The following ANO6 variants were observed in gnomAD, a reference collection of about 807,000 sequenced individuals.
ANO6 encodes the protein anoctamin 6, also known as anoctamin-6.
In ANO6, 106 loss-of-function variants were observed where a neutral mutation model predicts 117.5. The observed-to-expected ratio is 0.90, with a 90% CI of 0.77 to 1.06. ANO6 has a LOEUF of 1.06. ANO6 is among the 50% of genes least tolerant of loss of function. The pLI is 0.00. For synonymous variants in ANO6, 367 were observed against 385.1 expected (o/e 0.95, Z 0.55); for missense variants, 955 against 1,121.1 (o/e 0.85, Z 2.12).
At chr12:45,354,552 T>A (rs1016639968) in intron 7 of ANO6, among the ~76,000 whole-genome samples, 3 of 151,542 alleles carry the variant, frequency 2.0e-5, no homozygotes, top group African/African-American at 7.3e-5. Context: ...GCTTGGAGAG[T>A]CATCAGTCAA....
intron 9 of ANO6, among the ~76,000 whole-genome samples, chr12:45,377,665 G>T (rs778119407): frequency 3.3e-5 from 5 of 152,184 alleles, no homozygotes; most frequent in Non-Finnish European, 5.9e-5. Context: ...ATATCTAAAA[G>T]TTGCTTAGGG....
intron 13 of ANO6, 71 bp from the exon 14 acceptor site, chr12:45,403,001 C>T (rs539856880): frequency 3.7e-6 from 5 of 1,360,908 alleles, no homozygotes; most frequent in Non-Finnish European, 5.2e-6. Context: ...ACTCATGTAT[C>T]AGTATTTTTT....
intron 12 of ANO6, among the ~76,000 whole-genome samples, chr12:45,397,562 A>G (rs1942655137): frequency 6.6e-6 from 1 of 152,230 alleles, no homozygotes. Context: ...ACTATTCACA[A>G]TAGCAAAGAC....
intron 3 of ANO6, among the ~76,000 whole-genome samples, chr12:45,346,593 T>C (rs1378519981): frequency 6.6e-6 from 1 of 152,206 alleles, no homozygotes; most frequent in Non-Finnish European, 1.5e-5. Flanking sequence ...ACCATTTGAA[T>C]GTCTGGTATG....
chr12:45,247,098 G>A (rs948112049), intron 1 of ANO6, among the ~76,000 whole-genome samples: 1 of 152,066 alleles, frequency 6.6e-6, no homozygotes, highest in Non-Finnish European at 1.5e-5. Flanking sequence ...GCTAATTTTT[G>A]TGTTTTTAGT....
intron 9 of ANO6, 49 bp from the exon 10 acceptor site, chr12:45,378,004 C>A (rs767278891): frequency 6.6e-7 from 1 of 1,520,850 alleles, no homozygotes; most frequent in African/African-American, 1.4e-5. Context: ...TTACTGAATC[C>A]TAATAAGTGG....
Position 45,368,202 on chromosome 12 carries a change from G to A in ANO6, c.1104+409G>A, listed in dbSNP as rs566970946. 1.2e-4 allele frequency among the ~76,000 whole-genome samples: 18 copies of A among 152,266 alleles called. No individual in the cohort carries two copies. The Middle Eastern group carries it at 0.017, about 144-fold the overall frequency. ...TGGAATATTTGCCTTAGACTTACGG[G>A]TTGAGCGTCCCTAATCCAAAACTCC... On this transcript the variant is annotated intron_variant, in intron 9 of 19. Coordinates refer to ENST00000320560, the MANE Select transcript of ANO6 (RefSeq NM_001025356.3).
At chr12:45,440,119 G>A (rs879115801) in exon 20 of ANO6, 2 of 509,598 alleles carry the variant, frequency 3.9e-6, no homozygotes, top group African/African-American at 4.0e-5. Flanking sequence ...TATATGTATA[G>A]TTTTTTGTTG....
At chr12:45,346,036 T>G (rs1176855047) in intron 3 of ANO6, among the ~76,000 whole-genome samples, 1 of 151,978 alleles carries the variant, frequency 6.6e-6, no homozygotes, top group Non-Finnish European at 1.5e-5. Flanking sequence ...AGGAGCTCAT[T>G]CCATGCTAAT....
At chr12:45,267,943 T>C (rs933548616) in intron 1 of ANO6, among the ~76,000 whole-genome samples, 1 of 152,032 alleles carries the variant, frequency 6.6e-6, no homozygotes, top group Non-Finnish European at 1.5e-5. Flanking sequence ...TATTGAAGGG[T>C]ATAAAAGAAA....
rs116074090 is a variant in ANO6 at position 45,420,610 on chromosome 12, C to G, written c.2218-461C>G. Among the ~76,000 whole-genome samples, 771 of 152,160 alleles carry G rather than the reference C, an allele frequency of 5.1e-3. 2 individuals are homozygous for G. The highest frequency in any genetic ancestry group is 0.017 in the African/African-American group (707 of 41,502). On this transcript the variant is annotated intron_variant, in intron 17 of 19. Transcript: ENST00000320560. ...ACAGAGCAAGATCTTATCTCACTAT[C>G]TGCATATATTTTGCAGTTAAGAAAA...
chr12:45,431,306 C>T lies in ANO6; in HGVS notation c.*1995C>T, dbSNP rs769168984. 41 of 985,244 alleles carry T rather than the reference C, an allele frequency of 4.2e-5. No individual in the cohort carries two copies. The highest frequency in any genetic ancestry group is 6.1e-5 in the Admixed American group (1 of 16,266). The allele number at this position is 985,244 out of a possible 1,614,324, so 61.0% of individuals were successfully genotyped here. The stretch of plus-strand genomic sequence containing the variant: ...ACTCCTGAGATACTGCTTCTGGAAG[C>T]GGGTGTCACTTCCTCTCTAGTACCT... On this transcript the variant is annotated 3_prime_UTR_variant, in exon 20 of 20. Transcript: ENST00000320560.
intron 2 of ANO6, among the ~76,000 whole-genome samples, chr12:45,317,103 C>A (rs1486763531): frequency 5.2e-5 from 1 of 19,398 alleles, no homozygotes; most frequent in Non-Finnish European, 2.6e-4. Flanking sequence ...CAGCTGGATT[C>A]TTTTTATATG....
chr12:45,384,841 G>A (rs7304706), intron 10 of ANO6, among the ~76,000 whole-genome samples: 2,747 of 152,302 alleles, frequency 0.018, 79 homozygotes, highest in African/African-American at 0.062. Context: ...GAGGCTCAAC[G>A]TGGGGTTGCC....
At chr12:45,296,544 T>C (rs1939300392) in intron 1 of ANO6, among the ~76,000 whole-genome samples, 1 of 152,218 alleles carries the variant, frequency 6.6e-6, no homozygotes, top group East Asian at 1.9e-4. Context: ...TTTTCCAAAT[T>C]GTATTAGTCT....
At chr12:45,322,315 G>C (rs1413399124) in intron 2 of ANO6, among the ~76,000 whole-genome samples, 1 of 70,474 alleles carries the variant, frequency 1.4e-5, no homozygotes, top group Non-Finnish European at 3.3e-5. Context: ...GAGAGCAGGA[G>C]AGGATTTCAG....
In ANO6 at chr12:45,421,121, C is replaced by CT. The variant is rs1943351006; in HGVS notation, c.2269dup (p.Trp757LeufsTer43). 1 of 1,614,244 alleles carries CT rather than the reference C, an allele frequency of 6.2e-7. No homozygotes were observed. The highest frequency in any genetic ancestry group is 8.5e-7 in the Non-Finnish European group (1 of 1,180,036). On this transcript the variant is annotated frameshift_variant, in exon 18 of 20. Transcript: ENST00000320560. LOFTEE classifies it high-confidence loss of function. Reference sequence around the variant, plus strand: ...ACATGATCCCCCGCCTAGTGTACTACTGGTCCTTCTCCGTCCCTCCCTACG... The same window carrying CT: ...ACATGATCCCCCGCCTAGTGTACTACTTGGTCCTTCTCCGTCCCTCCCTACG...
intron 1 of ANO6, among the ~76,000 whole-genome samples, chr12:45,298,918 G>T (rs1939386994): frequency 6.6e-6 from 1 of 151,526 alleles, no homozygotes; most frequent in South Asian, 2.1e-4. Flanking sequence ...GATAAATTGG[G>T]TATCTAATCA....
chr12:45,230,976 G>A (rs961509402), intron 1 of ANO6, among the ~76,000 whole-genome samples: 4 of 152,248 alleles, frequency 2.6e-5, no homozygotes, highest in African/African-American at 9.6e-5. Context: ...GAGTGGTGGT[G>A]CATGCCTGTA....
Sources: allele counts gnomAD v4.1 joint callset (sites outside exome capture counted in the v4.1 genomes callset), GRCh38; gene constraint gnomAD v4.1.1; transcripts MANE v1.5; gene names NCBI Gene and HGNC (gene_info 2026-07-23, HGNC 2026-07-21).